The following TGM6 variants were observed in gnomAD, a reference collection of about 807,000 sequenced individuals.
TGM6 encodes the protein transglutaminase 6, also known as protein-glutamine gamma-glutamyltransferase 6.
A neutral mutation model predicts 77.5 loss-of-function variants in TGM6; 74 were observed. The ratio of observed to expected loss-of-function variants is 0.96; its 90% confidence interval spans 0.79 to 1.16. TGM6 has a LOEUF of 1.16. Ranked by LOEUF, TGM6 falls within the 50% of genes most tolerant of loss-of-function variation. The pLI, the probability that TGM6 is intolerant of heterozygous loss-of-function variation, is 0.00. For synonymous variants in TGM6, 383 were observed against 378.9 expected (o/e 1.01, Z -0.12); for missense variants, 968 against 940.2 (o/e 1.03, Z -0.39).
At chr20:2,427,678 A>G (rs1243403920) in intron 10 of TGM6, among the ~76,000 whole-genome samples, 1 of 152,144 alleles carries the variant, frequency 6.6e-6, no homozygotes, top group Non-Finnish European at 1.5e-5. Flanking sequence ...TATGTATTGA[A>G]TATTATAGAC....
chr20:2,397,888 G>C, intron 4 of TGM6, 30 bp from the exon 5 acceptor site: 1 of 1,614,104 alleles, frequency 6.2e-7, no homozygotes, highest in East Asian at 2.2e-5. Flanking sequence ...ACTGAACGCA[G>C]CCTCTAAGCA....
chr20:2,381,850 A>G lies in TGM6; in HGVS notation c.7+875A>G, dbSNP rs535661088. Among the ~76,000 whole-genome samples the G allele has an allele frequency of 2.0e-5, 3 of 152,274 alleles. No homozygotes were observed. The East Asian group carries it at 5.8e-4, about 29-fold the overall frequency. Reference sequence around the variant, plus strand: ...AGAGGATCGCTTGAGCTTAGGAGGTAGAGGCTACAGTGAGCCAAGATGGTG... The same window carrying G: ...AGAGGATCGCTTGAGCTTAGGAGGTGGAGGCTACAGTGAGCCAAGATGGTG... On this transcript the variant is annotated intron_variant, in intron 1 of 12. Coordinates refer to ENST00000202625, the MANE Select transcript of TGM6 (RefSeq NM_198994.3).
chr20:2,421,179 G>A (rs1313370188), intron 10 of TGM6, among the ~76,000 whole-genome samples: 1 of 152,106 alleles, frequency 6.6e-6, no homozygotes, highest in African/African-American at 2.4e-5. Context: ...TAAAGACAGG[G>A]TTTCACCATG....
intron 1 of TGM6, among the ~76,000 whole-genome samples, 146 bp from the exon 2 acceptor site, chr20:2,394,294 AAAACAAACAAAC>A (rs570317209): frequency 6.6e-6 from 1 of 152,100 alleles, no homozygotes; most frequent in African/African-American, 2.4e-5. Context: ...ACCCTGTCTC[AAAACAAACAAAC>A]AAACAAACAA....
chr20:2,396,561 C>T lies in TGM6; in HGVS notation c.480C>T (p.Asp160=), dbSNP rs764045390. 1 of 1,614,220 alleles carries T rather than the reference C, an allele frequency of 6.2e-7. No homozygotes were observed. The highest frequency in any genetic ancestry group is 8.5e-7 in the Non-Finnish European group (1 of 1,180,044). The change falls in exon 4 of 13, where the codon GAC becomes GAT. Residue 160 remains aspartate, a synonymous_variant. Coordinates refer to ENST00000202625, the MANE Select transcript of TGM6 (RefSeq NM_198994.3). ...AGAGACAGGAGTACGTGCTCAGCGA[C>T]AGCGGCATCATCTTCCGAGGCGTGG... The part of the protein sequence containing the change: ...EEERQEYVLS[D]SGIIFRGVEK...
chr20:2,418,660 A>G (rs932417523), intron 10 of TGM6, among the ~76,000 whole-genome samples: 6 of 152,246 alleles, frequency 3.9e-5, no homozygotes, highest in African/African-American at 1.2e-4. Context: ...GATATGCTCA[A>G]CACACCTAAT....
chr20:2,384,379 G>A lies in TGM6; in HGVS notation c.7+3404G>A, dbSNP rs567380351. 3.9e-5 allele frequency among the ~76,000 whole-genome samples: 6 copies of A among 152,238 alleles called. No individual in the cohort carries two copies. In the South Asian group the frequency reaches 8.3e-4, roughly 21 times the overall value. On this transcript the variant is annotated intron_variant, in intron 1 of 12. Coordinates refer to ENST00000202625, the MANE Select transcript of TGM6 (RefSeq NM_198994.3). ...TTGCCACTTTCCAGAGAAGGAAATC[G>A]GATCCTCAGATCCAGGGCCACACAG...
intron 7 of TGM6, among the ~76,000 whole-genome samples, 174 bp downstream of exon 7, chr20:2,400,618 A>G (rs1459953615): frequency 1.3e-5 from 2 of 151,826 alleles, no homozygotes; most frequent in African/African-American, 2.4e-5. Flanking sequence ...GCCTCTTCCA[A>G]GATGTAAGGT....
Position 2,400,457 on chromosome 20 carries a change from C to G in TGM6, c.989+13C>G. 1 of 1,614,024 alleles carries G rather than the reference C, an allele frequency of 6.2e-7. No homozygotes were observed. On this transcript the variant is annotated intron_variant, in intron 7 of 12. Coordinates refer to ENST00000202625, the MANE Select transcript of TGM6 (RefSeq NM_198994.3). ...AAGACAGCATGTGGTGGGTCCTGCC[C>G]CCAGCCTAGGCCCGAGGGCTCTGGA...
chr20:2,409,589 A>G (rs1217159224), intron 9 of TGM6, among the ~76,000 whole-genome samples: 2 of 151,890 alleles, frequency 1.3e-5, no homozygotes, highest in African/African-American at 2.4e-5. Flanking sequence ...GCATGCACCT[A>G]TAGTTCCAGC....
chr20:2,415,745 T>C (rs1418839428), intron 9 of TGM6, among the ~76,000 whole-genome samples: 5 of 152,000 alleles, frequency 3.3e-5, no homozygotes, highest in African/African-American at 1.2e-4. Flanking sequence ...GGCTGCACCA[T>C]TGGCTGGGAT....
At chr20:2,426,100 G>T (rs941797545) in intron 10 of TGM6, among the ~76,000 whole-genome samples, 1 of 152,096 alleles carries the variant, frequency 6.6e-6, no homozygotes, top group African/African-American at 2.4e-5. Context: ...AGGAAAAATT[G>T]ACATTTTGAC....
chr20:2,419,617 G>C (rs2084842463), intron 10 of TGM6, among the ~76,000 whole-genome samples: 2 of 152,120 alleles, frequency 1.3e-5, no homozygotes, highest in Admixed American at 6.5e-5. Flanking sequence ...CTTAATGCCT[G>C]TTTGCTTTTT....
At chr20:2,418,000 G>GT (rs2084830599) in intron 10 of TGM6, among the ~76,000 whole-genome samples, 1 of 151,964 alleles carries the variant, frequency 6.6e-6, no homozygotes, top group Non-Finnish European at 1.5e-5. Context: ...GTAACAGATG[G>GT]TTTTCTTTGT....
chr20:2,396,573 C>A lies in TGM6; in HGVS notation c.492C>A (p.Ile164=). The change falls in exon 4 of 13, where the codon ATC becomes ATA. Residue 164 remains isoleucine, a synonymous_variant. Coordinates refer to ENST00000202625, the MANE Select transcript of TGM6 (RefSeq NM_198994.3). ...ACGTGCTCAGCGACAGCGGCATCAT[C>A]TTCCGAGGCGTGGAGAAGCACATAC... ...QEYVLSDSGI[I]FRGVEKHIRA... The A allele has an allele frequency of 6.2e-7, 1 of 1,614,246 alleles. No homozygotes were observed.
chr20:2,414,051 T>C (rs1033451562), intron 9 of TGM6, among the ~76,000 whole-genome samples: 12 of 148,626 alleles, frequency 8.1e-5, no homozygotes, highest in African/African-American at 3.0e-4. Flanking sequence ...AACTCAACCA[T>C]AAAAAAAAAA....
chr20:2,421,170 A>G (rs2084854324), intron 10 of TGM6, among the ~76,000 whole-genome samples: 1 of 152,068 alleles, frequency 6.6e-6, no homozygotes, highest in African/African-American at 2.4e-5. Flanking sequence ...TATTTTTAGT[A>G]AAGACAGGGT....
In TGM6 at chr20:2,395,918, C is replaced by A. The variant is rs897656441; in HGVS notation, c.424+482C>A. Among the ~76,000 whole-genome samples the A allele has an allele frequency of 2.0e-5, 3 of 152,084 alleles. No homozygotes were observed. In the South Asian group the frequency reaches 6.2e-4, roughly 32 times the overall value. On this transcript the variant is annotated intron_variant, in intron 3 of 12. Coordinates refer to ENST00000202625, the MANE Select transcript of TGM6 (RefSeq NM_198994.3). ...AAATATGGCCGGGTGCAGTGGCTCA[C>A]GCCTGTAACCCCAGCACTTTGGGAT...
intron 10 of TGM6, among the ~76,000 whole-genome samples, chr20:2,424,711 T>C (rs906039876): frequency 2.6e-5 from 4 of 152,240 alleles, no homozygotes; most frequent in African/African-American, 9.6e-5. Flanking sequence ...CCTTGCTGTT[T>C]GGCACAAGAG....
Sources: allele counts gnomAD v4.1 joint callset (sites outside exome capture counted in the v4.1 genomes callset), GRCh38; gene constraint gnomAD v4.1.1; transcripts MANE v1.5; gene names NCBI Gene and HGNC (gene_info 2026-07-23, HGNC 2026-07-21).